Variants in FAM186B observed in about 807,000 individuals in gnomAD.
The protein encoded by FAM186B is protein FAM186B.
FAM186B carries 68 observed loss-of-function variants against 83.4 expected under a neutral mutation model. The observed-to-expected ratio is 0.81, with a 90% CI of 0.67 to 1.00. FAM186B has a LOEUF of 1.00. Ranked by LOEUF, FAM186B falls within the 50% of genes least tolerant of loss-of-function variation. The probability of loss-of-function intolerance (pLI) is 0.00; values close to 1 mark genes in which losing one functional copy is unlikely to be tolerated. For missense variants in FAM186B, 983 were observed against 1,099.2 expected, an observed-to-expected ratio of 0.89 and a Z score of 1.49; for synonymous variants, 389 against 422.0, an observed-to-expected ratio of 0.92 and a Z score of 0.96.
Position 49,588,579 on chromosome 12 carries a change from G to C in FAM186B, c.2409C>G (p.Thr803=), listed in dbSNP as rs950298571. The stretch of plus-strand genomic sequence containing the variant: ...ACTTGCATTTCTTTGGCTTTGGCGA[G>C]GTGACCTCAGGGATGTTCAGGTGAA... ...WNVHLNIPEV[T]SPKPKKCKLP... Residue 803 remains threonine (T), a synonymous_variant, in exon 6 of 7, where the codon ACC becomes ACG. Coordinates refer to ENST00000257894, the MANE Select transcript of FAM186B (RefSeq NM_032130.3). 2.5e-6 allele frequency: 4 copies of C among 1,610,194 alleles called. No individual in the cohort carries two copies. Among genetic ancestry groups the C allele is most frequent in the Non-Finnish European group, 3.4e-6 (4 of 1,177,824 alleles).
chr12:49,599,558 C>T lies in FAM186B; in HGVS notation c.2082G>A (p.Glu694=). 1 of 1,611,716 alleles carries T rather than the reference C, an allele frequency of 6.2e-7. No homozygotes were observed. Among genetic ancestry groups the T allele is most frequent in the Non-Finnish European group, 8.5e-7 (1 of 1,178,868 alleles). The change falls in exon 4 of 7, where the codon GAG becomes GAA. Residue 694 remains glutamate, a synonymous_variant. Transcript: ENST00000257894. Reference sequence around the variant, plus strand: ...CCAGCTCCATGGTGGTGGTGGTGAGCTCCAGTGCTTTGCTGCGCAGGTAGT... The same window carrying T: ...CCAGCTCCATGGTGGTGGTGGTGAGTTCCAGTGCTTTGCTGCGCAGGTAGT... The part of the protein sequence containing the change: ...LPHYLRSKAL[E]LTTTTMELGA...
downstream of FAM186B, chr12:49,584,671 T>C: frequency 1.4e-6 from 1 of 701,066 alleles, no homozygotes; most frequent in East Asian, 2.7e-5. Context: ...GCCCAGGCCA[T>C]GTGAGTGCCA....
Position 49,600,908 on chromosome 12 carries a change from G to A in FAM186B, c.732C>T (p.Asn244=). 6.2e-7 allele frequency: 1 copy of A among 1,614,188 alleles called. No individual in the cohort carries two copies. The highest frequency in any genetic ancestry group is 1.1e-5 in the South Asian group (1 of 91,080). Residue 244 remains asparagine (N), a synonymous_variant, in exon 4 of 7, where the codon AAC becomes AAT. Transcript: ENST00000257894. This position sits in a 1 kb window ranked among gnomAD's most constrained non-coding sequence, Gnocchi z 4.3. ...CCTTGTGTTGGAGGATCAAGGCCTT[G>A]TTGAGGTTCTCCACCACAGTGGCCA... ...RYMATVVENL[N]KALILQHKEN...
At chr12:49,620,970 C>T in the FAM186B span, among the ~76,000 whole-genome samples, 1 of 152,194 alleles carries the variant, frequency 6.6e-6, no homozygotes, top group South Asian at 2.1e-4. Flanking sequence ...CTTGTCTAAC[C>T]TGAATTTACA....
chr12:49,597,229 C>A (rs1022213879), intron 5 of FAM186B, among the ~76,000 whole-genome samples: 3 of 152,060 alleles, frequency 2.0e-5, no homozygotes, highest in Non-Finnish European at 4.4e-5. Context: ...CCATAACAAC[C>A]CCATCATTAA....
In FAM186B at chr12:49,605,576, T is replaced by C. The variant is rs1404887985; in HGVS notation, c.-99A>G. The C allele has an allele frequency of 9.1e-6, 12 of 1,323,336 alleles. No homozygotes were observed. The highest frequency in any genetic ancestry group is 1.2e-5 in the Non-Finnish European group (12 of 964,878). The allele number at this position is 1,323,336 out of a possible 1,614,324, so 82.0% of individuals were successfully genotyped here. On this transcript the variant is annotated 5_prime_UTR_variant, in exon 1 of 7. Coordinates refer to ENST00000257894, the MANE Select transcript of FAM186B (RefSeq NM_032130.3). Reference sequence around the variant, plus strand: ...TTTGGAGGTTAAGGGCACCAGGGTGTCTCCTGGGTACCCTCTGCCCAGGCA... The same window carrying C: ...TTTGGAGGTTAAGGGCACCAGGGTGCCTCCTGGGTACCCTCTGCCCAGGCA...
chr12:49,620,159 A>C, the FAM186B span, among the ~76,000 whole-genome samples: 1 of 152,192 alleles, frequency 6.6e-6, no homozygotes, highest in African/African-American at 2.4e-5. Flanking sequence ...CACAAAAGAA[A>C]CATGTCACCT....
the FAM186B span, among the ~76,000 whole-genome samples, chr12:49,622,451 G>T: frequency 6.6e-6 from 1 of 152,232 alleles, no homozygotes; most frequent in African/African-American, 2.4e-5. Context: ...AGGCTGCAGT[G>T]AACCCTGATT....
At chr12:49,616,003 T>G in the FAM186B span, among the ~76,000 whole-genome samples, 11 of 151,756 alleles carry the variant, frequency 7.2e-5, no homozygotes, top group African/African-American at 1.2e-4. Context: ...CCGGTGGGAA[T>G]GTACAGCCAC....
chr12:49,619,704 C>T, the FAM186B span: 1 of 341,342 alleles, frequency 2.9e-6, no homozygotes, highest in Non-Finnish European at 5.1e-6. Flanking sequence ...GAGATGGAGT[C>T]TTGCTCTGTT....
intron 5 of FAM186B, among the ~76,000 whole-genome samples, chr12:49,589,562 C>G (rs568948411): frequency 6.6e-6 from 1 of 152,066 alleles, no homozygotes; most frequent in African/African-American, 2.4e-5. Flanking sequence ...TATTAATCGT[C>G]CCAAAGGGTA....
Position 49,600,106 on chromosome 12 carries a change from G to A in FAM186B, c.1534C>T (p.Gln512Ter). The change falls in exon 4 of 7, where the codon CAG becomes TAG. Residue 512 changes from glutamine (Q) to a stop codon, truncating the protein, a stop_gained. Transcript: ENST00000257894. LOFTEE classifies it high-confidence loss of function. This position sits in a 1 kb window ranked among gnomAD's most constrained non-coding sequence, Gnocchi z 4.3. ...QRQKKWALLE[Q>*]EHQEKLRQWN... ...TGCCGCAGCTTCTCCTGATGCTCCT[G>A]CTCCAGCAGGGCCCACTTCTTCTGC... 1 of 1,612,428 alleles carries A rather than the reference G, an allele frequency of 6.2e-7. No individual in the cohort carries two copies. The highest frequency in any genetic ancestry group is 8.5e-7 in the Non-Finnish European group (1 of 1,179,268).
At chr12:49,591,995 C>A (rs1418228137) in intron 5 of FAM186B, among the ~76,000 whole-genome samples, 1 of 151,980 alleles carries the variant, frequency 6.6e-6, no homozygotes, top group African/African-American at 2.4e-5. Context: ...TGATTGAATC[C>A]ACAGATGCAG....
At chr12:49,595,664 G>C (rs1939699555) in intron 5 of FAM186B, 1 of 424,618 alleles carries the variant, frequency 2.4e-6, no homozygotes, top group Non-Finnish European at 4.8e-6. Context: ...CAGCTCAAGT[G>C]AAGGCTCCAC....
chr12:49,619,667 CTTTTTTTTTTTTTTT>C, the FAM186B span: 9 of 145,998 alleles, frequency 6.2e-5, no homozygotes, highest in Admixed American at 6.7e-4. Flanking sequence ...TTAGACATCT[CTTTTTTTTTTTTTTT>C]TTTTTTTTTT....
At chr12:49,601,284 T>A in intron 3 of FAM186B, 150 bp from the exon 4 acceptor site, 2 of 1,135,656 alleles carry the variant, frequency 1.8e-6, no homozygotes, top group Non-Finnish European at 2.4e-6. Context: ...CCAGGGACAG[T>A]GCTGTCAGGA....
At chr12:49,613,737 G>A in the FAM186B span, among the ~76,000 whole-genome samples, 1 of 151,874 alleles carries the variant, frequency 6.6e-6, no homozygotes, top group African/African-American at 2.4e-5. Context: ...TACTTGGGAG[G>A]CTGAGGCGGG....
chr12:49,603,271 A>T lies in FAM186B; in HGVS notation c.419T>A (p.Leu140Gln). Reference sequence around the variant, plus strand: ...GCCTCTTTTGGTGGCAATGAGGGACAGCGGTAACACTTTCTCCGTCACTTC... The same window carrying T: ...GCCTCTTTTGGTGGCAATGAGGGACTGCGGTAACACTTTCTCCGTCACTTC... Reference protein sequence around the residue: ...WIEVTEKVLPLSLIATKRGIE... With the variant: ...WIEVTEKVLPQSLIATKRGIE... Residue 140 changes from leucine to glutamine, a missense_variant, in exon 3 of 7, where the codon CTG becomes CAG. Coordinates refer to ENST00000257894, the MANE Select transcript of FAM186B (RefSeq NM_032130.3). 1 of 1,614,212 alleles carries T rather than the reference A, an allele frequency of 6.2e-7. No individual in the cohort carries two copies. Among genetic ancestry groups the T allele is most frequent in the Non-Finnish European group, 8.5e-7 (1 of 1,180,042 alleles).
At chr12:49,592,298 C>T (rs1404010336) in intron 5 of FAM186B, among the ~76,000 whole-genome samples, 1 of 151,480 alleles carries the variant, frequency 6.6e-6, no homozygotes, top group East Asian at 1.9e-4. Flanking sequence ...ATGGTGAAAC[C>T]CAGTCTCTAC....
Sources: gnomAD v4.1 joint callset for allele counts (sites outside exome capture counted in the v4.1 genomes callset) on GRCh38, gnomAD v4.1.1 for gene constraint, Gnocchi (gnomAD v3.1) non-coding constraint, MANE v1.5 for transcripts, NCBI Gene and HGNC (gene_info 2026-07-23, HGNC 2026-07-21) for gene names.